The following VPS16 variants were observed in gnomAD, a reference collection of about 807,000 sequenced individuals.
VPS16 encodes VPS16 core subunit of CORVET and HOPS complexes, also known as vacuolar protein sorting-associated protein 16 homolog.
In VPS16, 82 loss-of-function variants were observed where a neutral mutation model predicts 116.0. The observed-to-expected ratio is 0.71, with a 90% CI of 0.59 to 0.85. The LOEUF is 0.85. Among genes scored for constraint, VPS16 ranks in the 40% least tolerant of loss-of-function variants. The pLI is 0.00. For missense variants in VPS16, 928 were observed against 1,090.6 expected (o/e 0.85, Z 2.10); for synonymous variants, 406 against 420.7 (o/e 0.96, Z 0.43).
intron 1 of VPS16, among the ~76,000 whole-genome samples, chr20:2,842,676 ATATATATAGATACATCTAGATGTATC>A (rs2088996505): frequency 9.1e-6 from 1 of 109,404 alleles, no homozygotes; most frequent in African/African-American, 5.5e-5. Context: ...ATGTATCTAT[ATATATATAGATACATCTAGATGTATC>A]TATATATAGA....
Position 2,861,618 on chromosome 20 carries a change from C to A in VPS16, c.813C>A (p.Cys271Ter), listed in dbSNP as rs1304158668. ...AGTGTGTATATGCTGCTCACAGGTGCAGCCGTCCTCGTAGCAAGGAGAGGG... is the reference window on the plus strand; with the variant it reads ...AGTGTGTATATGCTGCTCACAGGTGAAGCCGTCCTCGTAGCAAGGAGAGGG... ...IRAPPKQMVW[C>*]SRPRSKERAV... The change falls in exon 9 of 24, where the codon TGC (cysteine) becomes TGA (stop). Residue 271 changes from cysteine to a stop codon, truncating the protein, a stop_gained. Transcript: ENST00000380445. LOFTEE classifies it high-confidence loss of function. 1 of 1,609,406 alleles carries A rather than the reference C, an allele frequency of 6.2e-7. No homozygotes were observed. The highest frequency in any genetic ancestry group is 8.5e-7 in the Non-Finnish European group (1 of 1,178,522).
In VPS16 at chr20:2,860,546, G is replaced by A; in HGVS notation, c.467G>A (p.Ser156Asn). Residue 156 changes from serine to asparagine, a missense_variant, in exon 5 of 24, where the codon AGT (serine) becomes AAT (asparagine). Ser to Asn is a conservative substitution (Grantham distance 46). Coordinates refer to ENST00000380445, the MANE Select transcript of VPS16 (RefSeq NM_022575.4). The surrounding 1 kb of genome is among the most constrained non-coding windows in gnomAD (Gnocchi z 6.1). ...ILTGAHRFTLSANVGDLKLRR... is the reference protein window; with the variant it reads ...ILTGAHRFTLNANVGDLKLRR... ...ACAGGGGCCCACCGCTTCACCCTCA[G>A]TGCCAATGTGGGTGACCTCAAACTC... 6.2e-7 allele frequency: 1 copy of A among 1,613,936 alleles called. No homozygotes were observed. The highest frequency in any genetic ancestry group is 8.5e-7 in the Non-Finnish European group (1 of 1,180,022).
At chr20:2,858,489 AT>A (rs979461687) in intron 1 of VPS16, among the ~76,000 whole-genome samples, 13 of 151,280 alleles carry the variant, frequency 8.6e-5, no homozygotes, top group Middle Eastern at 3.4e-3. Context: ...ACATCTCTTT[AT>A]TTTTTTTTCT....
intron 1 of VPS16, among the ~76,000 whole-genome samples, chr20:2,842,030 C>T (rs1276143974): frequency 6.6e-6 from 1 of 152,196 alleles, no homozygotes. Flanking sequence ...ACTGGGATTA[C>T]AGGCGTGAAC....
rs982054308 is a variant in VPS16 at position 2,865,991 on chromosome 20, G to C, written c.2272-221G>C. 3.0e-4 allele frequency: 171 copies of C among 575,226 alleles called. 1 individual carries two copies. The highest frequency in any genetic ancestry group is 4.2e-4 in the Non-Finnish European group (135 of 321,746). The allele number at this position is 575,226 out of a possible 1,614,324, so 35.6% of individuals were successfully genotyped here. On this transcript the variant is annotated intron_variant, in intron 22 of 23. Transcript: ENST00000380445. This position sits in a 1 kb window ranked among gnomAD's most constrained non-coding sequence, Gnocchi z 5.2. ...GTAGAGCAGAAGCGTGGAAATAATT[G>C]GTCTCAAGTCTCTGACAGAGCTTTG...
chr20:2,865,331 C>G lies in VPS16; in HGVS notation c.2174+14C>G. On this transcript the variant is annotated intron_variant, in intron 21 of 23. Coordinates refer to ENST00000380445, the MANE Select transcript of VPS16 (RefSeq NM_022575.4). The surrounding 1 kb of genome is among the most constrained non-coding windows in gnomAD (Gnocchi z 5.2). ...CCCTGACAAGAGGTAGGTGAGGGCC[C>G]AGGCTGCATGTGGGTCCCAGGACCA... is the stretch of plus-strand genomic sequence containing the variant. The G allele has an allele frequency of 5.6e-6, 9 of 1,614,132 alleles. No individual in the cohort carries two copies. The highest frequency in any genetic ancestry group is 7.6e-6 in the Non-Finnish European group (9 of 1,180,000).
chr20:2,864,576 G>A lies in VPS16; in HGVS notation c.1848G>A (p.Leu616=), dbSNP rs774478869. 1.2e-6 allele frequency: 2 copies of A among 1,614,176 alleles called. No homozygotes were observed. Among genetic ancestry groups the A allele is most frequent in the Admixed American group, 3.3e-5 (2 of 60,022 alleles). Residue 616 remains leucine, a synonymous_variant, in exon 19 of 24, where the codon CTG becomes CTA. Coordinates refer to ENST00000380445, the MANE Select transcript of VPS16 (RefSeq NM_022575.4). The surrounding 1 kb of genome is among the most constrained non-coding windows in gnomAD (Gnocchi z 5.2). ...QFCKHQELET[L]KDLYNQDDNH... Reference sequence around the variant, plus strand: ...GTAAGCATCAGGAGCTAGAGACGCTGAAGGACCTTTACAATCAGGATGACA... The same window carrying A: ...GTAAGCATCAGGAGCTAGAGACGCTAAAGGACCTTTACAATCAGGATGACA...
At chr20:2,841,125 C>T in intron 1 of VPS16, 1 of 474,704 alleles carries the variant, frequency 2.1e-6, no homozygotes, top group Non-Finnish European at 3.7e-6. Context: ...ACAGCGAGTG[C>T]CCAGTCTCCT....
In VPS16 at chr20:2,864,175, A is replaced by C. The variant is rs2089285385; in HGVS notation, c.1612-4A>C. ...CTCTCTGTGCCTTCCTTCTCACCTC[A>C]CAGCTGCTGGAGTATGAGCCACGCT... On this transcript the variant is annotated splice_polypyrimidine_tract_variant and splice_region_variant and intron_variant, in intron 16 of 23. Transcript: ENST00000380445. This position sits in a 1 kb window ranked among gnomAD's most constrained non-coding sequence, Gnocchi z 5.2. 14 of 1,613,876 alleles carry C rather than the reference A, an allele frequency of 8.7e-6. No homozygotes were observed. The highest frequency in any genetic ancestry group is 2.2e-5 in the South Asian group (2 of 91,072).
In VPS16 at chr20:2,865,068, T is replaced by G. The variant is rs2089307805; in HGVS notation, c.2004+13T>G. Reference sequence around the variant, plus strand: ...GTTTGCAGCCAAGGTTTGGCCCACCTTTTTCCAAGAGCCTCCTCGTCTCCT... The same window carrying G: ...GTTTGCAGCCAAGGTTTGGCCCACCGTTTTCCAAGAGCCTCCTCGTCTCCT... On this transcript the variant is annotated intron_variant, in intron 20 of 23. Coordinates refer to ENST00000380445, the MANE Select transcript of VPS16 (RefSeq NM_022575.4). The surrounding 1 kb of genome is among the most constrained non-coding windows in gnomAD (Gnocchi z 5.2). 1 of 1,614,006 alleles carries G rather than the reference T, an allele frequency of 6.2e-7. No homozygotes were observed. Among genetic ancestry groups the G allele is most frequent in the Admixed American group, 1.7e-5 (1 of 60,002 alleles).
At chr20:2,845,007 G>GGTGTGT (rs375923174) in intron 1 of VPS16, among the ~76,000 whole-genome samples, 7,086 of 144,024 alleles carry the variant, frequency 0.049, 231 homozygotes, top group African/African-American at 0.094. Context: ...ATTTGCAAGG[G>GGTGTGT]GTGTGTGTGT....
chr20:2,840,896 C>G, intron 1 of VPS16, 69 bp downstream of exon 1: 1 of 1,464,104 alleles, frequency 6.8e-7, no homozygotes. Flanking sequence ...AGTCTCCCGG[C>G]GGCGTTCGCC....
intron 8 of VPS16, among the ~76,000 whole-genome samples, 158 bp downstream of exon 8, chr20:2,861,438 T>C (rs1053348262): frequency 1.3e-5 from 2 of 152,202 alleles, no homozygotes; most frequent in African/African-American, 2.4e-5. Context: ...CATTGTCCTC[T>C]GTGGGCCACA....
In VPS16 at chr20:2,866,553, G is replaced by A. The variant is rs757355522; in HGVS notation, c.2499G>A (p.Arg833=). ...CAGCTGACAAGATTCAACGGGCCAG[G>A]GCACAAGCCCAGAAGAAGTGAGGAG... The part of the protein sequence containing the change: ...GATADKIQRA[R]AQAQKK Residue 833 remains arginine (R), a synonymous_variant, in exon 24 of 24, where the codon AGG becomes AGA. Transcript: ENST00000380445. 1 of 1,614,156 alleles carries A rather than the reference G, an allele frequency of 6.2e-7. No homozygotes were observed. Among genetic ancestry groups the A allele is most frequent in the Non-Finnish European group, 8.5e-7 (1 of 1,180,010 alleles).
At chr20:2,842,626 A>AGATAGATATATAGATG (rs2088991918) in intron 1 of VPS16, among the ~76,000 whole-genome samples, 11 of 148,796 alleles carry the variant, frequency 7.4e-5, no homozygotes, top group Non-Finnish European at 1.5e-4. Context: ...ATATCTATCT[A>AGATAGATATATAGATG]TATCTATCTA....
At position 2,864,214 on chromosome 20, in the gene VPS16, A is replaced by G. The variant is rs1227197478; in HGVS notation, c.1647A>G (p.Val549=). Residue 549 remains valine, a synonymous_variant, in exon 17 of 24, where the codon GTA becomes GTG. Coordinates refer to ENST00000380445, the MANE Select transcript of VPS16 (RefSeq NM_022575.4). This position sits in a 1 kb window ranked among gnomAD's most constrained non-coding sequence, Gnocchi z 5.2. The part of the protein sequence containing the change: ...LEYEPRSGEQ[V]PLLLKMKRSK... Reference sequence around the variant, plus strand: ...ATGAGCCACGCTCAGGGGAGCAGGTACCCCTTCTCCTAAAGATGAAGAGGA... The same window carrying G: ...ATGAGCCACGCTCAGGGGAGCAGGTGCCCCTTCTCCTAAAGATGAAGAGGA... The G allele has an allele frequency of 2.5e-6, 4 of 1,613,988 alleles. No individual in the cohort carries two copies. The highest frequency in any genetic ancestry group is 3.3e-5 in the Admixed American group (2 of 60,008).
intron 1 of VPS16, among the ~76,000 whole-genome samples, chr20:2,851,694 G>A (rs1260985142): frequency 6.6e-6 from 1 of 151,816 alleles, no homozygotes; most frequent in Non-Finnish European, 1.5e-5. Flanking sequence ...CACAGGCTGG[G>A]CGAGGTGGCT....
chr20:2,856,946 T>C (rs2325974), intron 1 of VPS16, among the ~76,000 whole-genome samples: 77,566 of 151,626 alleles, frequency 0.51, 22,642 homozygotes, highest in African/African-American at 0.79. Flanking sequence ...ATGATCTTTT[T>C]CCCCTATATG....
Position 2,862,094 on chromosome 20 carries a change from C to A in VPS16, c.1035C>A (p.Pro345=). 3 of 1,613,826 alleles carry A rather than the reference C, an allele frequency of 1.9e-6. No individual in the cohort carries two copies. The highest frequency in any genetic ancestry group is 2.5e-6 in the Non-Finnish European group (3 of 1,179,920). The change falls in exon 11 of 24, where the codon CCC becomes CCA. Residue 345 remains proline, a synonymous_variant. Transcript: ENST00000380445. ...TCTTCAAAATTGCCTCAATGGCCCCCGGGGCGCTGCTCCTGGAGGCTCAGA... is the reference window on the plus strand; with the variant it reads ...TCTTCAAAATTGCCTCAATGGCCCCAGGGGCGCTGCTCCTGGAGGCTCAGA... ...EEIFKIASMA[P]GALLLEAQKE...
Sources: allele counts gnomAD v4.1 joint callset (sites outside exome capture counted in the v4.1 genomes callset), GRCh38; gene constraint gnomAD v4.1.1; non-coding constraint Gnocchi (gnomAD v3.1); transcripts MANE v1.5; gene names NCBI Gene and HGNC (gene_info 2026-07-23, HGNC 2026-07-21).